Variants in MAP2K7 observed in about 807,000 individuals in gnomAD.
MAP2K7 encodes dual specificity mitogen-activated protein kinase kinase 7.
Under a neutral mutation model 47.7 loss-of-function variants are expected in MAP2K7, and 12 were observed. That is an observed-to-expected ratio of 0.25 (90% CI 0.16 to 0.41). The LOEUF is 0.41. Among genes scored for constraint, MAP2K7 ranks in the 10% least tolerant of loss-of-function variants. MAP2K7 has a pLI of 1.00. For synonymous variants in MAP2K7, 299 were observed against 243.0 expected, an observed-to-expected ratio of 1.23 and a Z score of -2.14; for missense variants, 415 against 600.3, an observed-to-expected ratio of 0.69 and a Z score of 3.23.
At chr19:7,905,563 C>T (rs544974706) in intron 1 of MAP2K7, among the ~76,000 whole-genome samples, 10 of 152,262 alleles carry the variant, frequency 6.6e-5, no homozygotes, top group African/African-American at 2.4e-4. Flanking sequence ...TGGCCGTTCC[C>T]ATGCAGAGCT....
intron 9 of MAP2K7, 79 bp from the exon 10 acceptor site, chr19:7,912,070 G>A: frequency 1.4e-6 from 2 of 1,383,360 alleles, no homozygotes; most frequent in South Asian, 1.2e-5. Flanking sequence ...GGCCCCTTGG[G>A]GAGGGCCTGA....
At chr19:7,905,672 G>T in intron 1 of MAP2K7, 1 of 774,784 alleles carries the variant, frequency 1.3e-6, no homozygotes, top group South Asian at 1.5e-5. Flanking sequence ...ATCTCTGTCG[G>T]TTCCTAGCCA....
At chr19:7,904,134 G>A in intron 1 of MAP2K7, 66 bp downstream of exon 1, 5 of 1,178,972 alleles carry the variant, frequency 4.2e-6, no homozygotes, top group Non-Finnish European at 5.3e-6. Flanking sequence ...GGGAGGCCCC[G>A]CCCCCACCAC....
intron 5 of MAP2K7, 28 bp from the exon 6 acceptor site, chr19:7,910,668 G>GC: frequency 6.2e-7 from 1 of 1,606,386 alleles, no homozygotes; most frequent in Admixed American, 1.7e-5. Context: ...GGAAGACACA[G>GC]CTCCCCCGGG....
At chr19:7,910,223 G>A (rs747077544) in intron 3 of MAP2K7, 37 bp from the exon 4 acceptor site, 3 of 1,607,456 alleles carry the variant, frequency 1.9e-6, no homozygotes, top group Middle Eastern at 1.7e-4. Context: ...CGGTGGCAGA[G>A]GCCCCAGGGA....
chr19:7,903,919 G>T lies in MAP2K7; in HGVS notation c.-26G>T. The T allele has an allele frequency of 2.0e-6, 3 of 1,495,702 alleles. No homozygotes were observed. Among genetic ancestry groups the T allele is most frequent in the Non-Finnish European group, 2.7e-6 (3 of 1,120,222 alleles). 92.7% of individuals were successfully genotyped at this position (1,495,702 alleles called of 1,614,324 possible). ...CCGGACTGACGGGCGGCCGGGCGGT[G>T]CGCGGCGGCGGTGGCGGCGGGGAAG... is the stretch of plus-strand genomic sequence containing the variant. On this transcript the variant is annotated 5_prime_UTR_variant, in exon 1 of 11. Coordinates refer to ENST00000397979, the MANE Select transcript of MAP2K7 (RefSeq NM_145185.4).
In MAP2K7 at chr19:7,912,579, A is replaced by AC. The variant is rs918753935; in HGVS notation, c.*156dup. The AC allele has an allele frequency of 1.2e-3, 923 of 755,214 alleles. No homozygotes were observed. Among genetic ancestry groups the AC allele is most frequent in the East Asian group, 2.3e-3 (70 of 30,370 alleles). The allele number at this position is 755,214 out of a possible 1,614,324, so 46.8% of individuals were successfully genotyped here. On this transcript the variant is annotated 3_prime_UTR_variant, in exon 11 of 11. Transcript: ENST00000397979. ...GACAGAGAGTGGGGGGTGCCCACCCACCCCCCCCGCCCCGGGCCTACCAAG... is the reference window on the plus strand; with the variant it reads ...GACAGAGAGTGGGGGGTGCCCACCCACCCCCCCCCGCCCCGGGCCTACCAAG...
chr19:7,904,173 C>T (rs997110272), intron 1 of MAP2K7, 105 bp downstream of exon 1: 2 of 931,650 alleles, frequency 2.1e-6, no homozygotes, highest in Non-Finnish European at 2.7e-6. Context: ...CCGGGGCGCT[C>T]GCTCTCCTCT....
At chr19:7,910,644 C>T (rs1599626805) in intron 5 of MAP2K7, 52 bp from the exon 6 acceptor site, 9 of 1,608,810 alleles carry the variant, frequency 5.6e-6, no homozygotes, top group East Asian at 2.2e-5. Context: ...AGCAGAGCCT[C>T]TGGGGGGTGG....
intron 1 of MAP2K7, among the ~76,000 whole-genome samples, chr19:7,909,147 A>C (rs1187190242): frequency 6.6e-6 from 1 of 152,200 alleles, no homozygotes; most frequent in African/African-American, 2.4e-5. Flanking sequence ...CCAGCTCTGC[A>C]GGCCAGGCCA....
chr19:7,912,232 T>C, intron 10 of MAP2K7, 38 bp downstream of exon 10: 1 of 1,613,604 alleles, frequency 6.2e-7, no homozygotes. Flanking sequence ...GTCCTGTCCC[T>C]GCGGAGGCGC....
In MAP2K7 at chr19:7,904,174, G is replaced by A. The variant is rs1337641748; in HGVS notation, c.124+106G>A. The A allele has an allele frequency of 3.2e-6, 3 of 933,628 alleles. No homozygotes were observed. The South Asian group carries it at 1.5e-4, about 47-fold the overall frequency. The allele number at this position is 933,628 out of a possible 1,614,324, so 57.8% of individuals were successfully genotyped here. A position where few individuals can be genotyped will look rare whatever the true frequency, so the allele number is the denominator to read the frequency against. The stretch of plus-strand genomic sequence containing the variant: ...CCCCGCCCCCGCTTCCGGGGCGCTC[G>A]CTCTCCTCTCCGCCCCCCCCGCTGC... On this transcript the variant is annotated intron_variant, in intron 1 of 10. Transcript: ENST00000397979.
At chr19:7,911,405 A>G (rs1262814096) in intron 8 of MAP2K7, 31 bp from the exon 9 acceptor site, 5 of 1,612,856 alleles carry the variant, frequency 3.1e-6, no homozygotes, top group South Asian at 2.2e-5. Flanking sequence ...GAGAACATAA[A>G]CCTGTCCAGC....
Position 7,910,778 on chromosome 19 carries a change from G to T in MAP2K7, c.650G>T (p.Arg217Leu), listed in dbSNP as rs868265912. 4 of 1,609,504 alleles carry T rather than the reference G, an allele frequency of 2.5e-6. No homozygotes were observed. The highest frequency in any genetic ancestry group is 1.7e-5 in the Admixed American group (1 of 59,764). The change falls in exon 6 of 11, where the codon CGC (arginine) becomes CTC (leucine). Residue 217 changes from arginine (R) to leucine (L), a missense_variant. Coordinates refer to ENST00000397979, the MANE Select transcript of MAP2K7 (RefSeq NM_145185.4). ...KKRMQGPIPE[R>L]ILGKMTVAIV... ...CGGATGCAGGGCCCCATCCCCGAGC[G>T]CATTCTGGGCAAGATGACAGTGGCG...
intron 6 of MAP2K7, 41 bp from the exon 7 acceptor site, chr19:7,910,939 T>C (rs1982802539): frequency 6.3e-7 from 1 of 1,596,170 alleles, no homozygotes; most frequent in Non-Finnish European, 8.6e-7. Context: ...GCCTTGGGTC[T>C]GTGCCCCCTG....
rs750416974 is a variant in MAP2K7 at position 7,913,287 on chromosome 19, A to G, written c.*856A>G. On this transcript the variant is annotated 3_prime_UTR_variant, in exon 11 of 11. Transcript: ENST00000397979. ...CTGCTCTGGGGTCTCCGGGGGCCACAGCTTGGGGTGAGTTGAAGACCTCAG... is the reference window on the plus strand; with the variant it reads ...CTGCTCTGGGGTCTCCGGGGGCCACGGCTTGGGGTGAGTTGAAGACCTCAG... 1.3e-4 allele frequency: 20 copies of G among 152,466 alleles called. No homozygotes were observed. Among genetic ancestry groups the G allele is most frequent in the Non-Finnish European group, 1.8e-4 (12 of 68,156 alleles). The allele number at this position is 152,466 out of a possible 1,614,324, so 9.4% of individuals were successfully genotyped here.
At chr19:7,909,981 G>A (rs1455463016) in intron 2 of MAP2K7, 82 bp from the exon 3 acceptor site, 2 of 1,512,962 alleles carry the variant, frequency 1.3e-6, no homozygotes. Flanking sequence ...GGTTAAACCG[G>A]TGGGAACCCC....
intron 1 of MAP2K7, chr19:7,905,759 T>G: frequency 6.8e-7 from 1 of 1,463,958 alleles, no homozygotes; most frequent in Non-Finnish European, 9.6e-7. Flanking sequence ...CAGTCGTTTC[T>G]GTTGTGATTT....
Position 7,904,056 on chromosome 19 carries a change from C to A in MAP2K7, c.112C>A (p.Arg38=), listed in dbSNP as rs1324055434. The A allele has an allele frequency of 7.3e-7, 1 of 1,363,452 alleles. No individual in the cohort carries two copies. The highest frequency in any genetic ancestry group is 1.4e-5 in the South Asian group (1 of 72,746). The allele number at this position is 1,363,452 out of a possible 1,614,324, so 84.5% of individuals were successfully genotyped here. Residue 38 remains arginine (R), a synonymous_variant, in exon 1 of 11, where the codon CGG becomes AGG. Transcript: ENST00000397979. The part of the protein sequence containing the change: ...IDLNLDISPQ[R]PRPTLQLPLA... The stretch of plus-strand genomic sequence containing the variant: ...CCTCAACCTGGATATCAGCCCCCAG[C>A]GGCCCAGGCCCAGTAAGCACGGCGG...
Sources: allele counts gnomAD v4.1 joint callset (sites outside exome capture counted in the v4.1 genomes callset), GRCh38; gene constraint gnomAD v4.1.1; transcripts MANE v1.5; gene names NCBI Gene and HGNC (gene_info 2026-07-23, HGNC 2026-07-21).